Variants in WWOX observed in about 807,000 individuals in gnomAD.
WWOX encodes WW domain-containing oxidoreductase.
In WWOX, 69 loss-of-function variants were observed where a neutral mutation model predicts 46.2. That is an observed-to-expected ratio of 1.49 (90% CI 1.23 to 1.82). WWOX has a LOEUF of 1.82. Ranked by LOEUF, WWOX falls within the 40% of genes most tolerant of loss-of-function variation. The pLI, the probability that WWOX is intolerant of heterozygous loss-of-function variation, is 0.00. For synonymous variants in WWOX, 359 were observed against 202.6 expected (o/e 1.77, Z -6.56); for missense variants, 919 against 542.6 (o/e 1.69, Z -6.89).
At chr16:78,691,226 T>C in intron 8 of WWOX, 1 of 702,156 alleles carries the variant, frequency 1.4e-6, no homozygotes, top group East Asian at 2.7e-5. Flanking sequence ...TATGCTTCTC[T>C]TGTTTGTGAT....
chr16:78,417,743 C>T (rs550399895), intron 6 of WWOX, among the ~76,000 whole-genome samples: 9 of 152,202 alleles, frequency 5.9e-5, no homozygotes, highest in African/African-American at 1.9e-4. Flanking sequence ...CAGGTAGGCT[C>T]GGTGCTTCAA....
intron 8 of WWOX, among the ~76,000 whole-genome samples, chr16:78,549,819 C>T (rs2044133338): frequency 6.6e-6 from 1 of 152,040 alleles, no homozygotes; most frequent in African/African-American, 2.4e-5. Context: ...CTGTAACAAA[C>T]ATTTGTATGG....
At chr16:78,358,166 A>G (rs919795406) in intron 5 of WWOX, among the ~76,000 whole-genome samples, 1 of 152,216 alleles carries the variant, frequency 6.6e-6, no homozygotes, top group Non-Finnish European at 1.5e-5. Flanking sequence ...TATCTTCTCA[A>G]CACACATTAA....
intron 8 of WWOX, among the ~76,000 whole-genome samples, chr16:78,885,636 T>G (rs973758348): frequency 6.6e-6 from 1 of 152,204 alleles, no homozygotes; most frequent in African/African-American, 2.4e-5. Context: ...TTTGAGCAAG[T>G]TGCAATTTGG....
chr16:78,405,109 A>G (rs2082496321), intron 6 of WWOX, among the ~76,000 whole-genome samples: 1 of 152,190 alleles, frequency 6.6e-6, no homozygotes, highest in African/African-American at 2.4e-5. Flanking sequence ...AATCAAGGTA[A>G]TGGACATGAG....
At position 78,386,959 on chromosome 16, in the gene WWOX, C is replaced by T. The variant is rs1271857180; in HGVS notation, c.605+11C>T. 9 of 1,611,294 alleles carry T rather than the reference C, an allele frequency of 5.6e-6. No individual in the cohort carries two copies. The Admixed American group carries it at 8.3e-5, about 15-fold the overall frequency. On this transcript the variant is annotated intron_variant, in intron 6 of 8. Coordinates refer to ENST00000566780, the MANE Select transcript of WWOX (RefSeq NM_016373.4). ...CAAGGCCAAGAATGTGTGAGTGTTC[C>T]AGTGGAGGGTTATAGATCATAATTT...
chr16:78,134,697 A>G (rs948220961), intron 4 of WWOX, among the ~76,000 whole-genome samples: 28 of 152,298 alleles, frequency 1.8e-4, no homozygotes, highest in African/African-American at 6.7e-4. Context: ...AAAACTCACA[A>G]TATTTGGCCA....
At chr16:78,463,277 A>G (rs1322189002) in intron 8 of WWOX, among the ~76,000 whole-genome samples, 2 of 152,232 alleles carry the variant, frequency 1.3e-5, no homozygotes, top group African/African-American at 4.8e-5. Context: ...TTGCAGGTAT[A>G]GGTAGGCATT....
chr16:78,674,077 C>T (rs2047530357), intron 8 of WWOX, among the ~76,000 whole-genome samples: 2 of 152,044 alleles, frequency 1.3e-5, no homozygotes, highest in South Asian at 4.2e-4. Context: ...AGAAATTTCG[C>T]AAACTTCATG....
chr16:78,610,652 C>T (rs1225411730), intron 8 of WWOX, among the ~76,000 whole-genome samples: 1 of 152,046 alleles, frequency 6.6e-6, no homozygotes, highest in Non-Finnish European at 1.5e-5. Flanking sequence ...CTAAAGTGAA[C>T]CCAGATATGT....
chr16:78,656,082 C>T (rs974900783), intron 8 of WWOX, among the ~76,000 whole-genome samples: 5 of 152,176 alleles, frequency 3.3e-5, no homozygotes, highest in Admixed American at 3.3e-4. Context: ...TTCTGATTTG[C>T]TTCAGTACAG....
chr16:78,688,854 C>G (rs1474824104), intron 8 of WWOX, among the ~76,000 whole-genome samples: 1 of 152,106 alleles, frequency 6.6e-6, no homozygotes, highest in Non-Finnish European at 1.5e-5. Flanking sequence ...TGCAGTTACC[C>G]CCATGATGTT....
At chr16:78,960,073 C>A (rs957770839) in intron 8 of WWOX, among the ~76,000 whole-genome samples, 2 of 152,168 alleles carry the variant, frequency 1.3e-5, no homozygotes, top group Non-Finnish European at 2.9e-5. Context: ...GACTAAATGG[C>A]TACAGGTCAG....
intron 8 of WWOX, among the ~76,000 whole-genome samples, chr16:78,545,565 A>G (rs16948054): frequency 0.012 from 1,833 of 152,238 alleles, 49 homozygotes; most frequent in African/African-American, 0.042. Context: ...TTCAGATAAA[A>G]TGAGAGTGGA....
intron 8 of WWOX, among the ~76,000 whole-genome samples, chr16:79,072,467 G>T (rs1421882575): frequency 6.6e-6 from 1 of 152,222 alleles, no homozygotes; most frequent in South Asian, 2.1e-4. Flanking sequence ...TGAAGATTCA[G>T]AGAGGAGATG....
intron 8 of WWOX, among the ~76,000 whole-genome samples, chr16:78,889,595 A>G (rs1033320564): frequency 6.6e-6 from 1 of 152,162 alleles, no homozygotes. Flanking sequence ...CAAGCTTGAA[A>G]GTACTAAGCG....
chr16:78,645,905 C>G (rs1019262710), intron 8 of WWOX, among the ~76,000 whole-genome samples: 3 of 152,154 alleles, frequency 2.0e-5, no homozygotes, highest in Admixed American at 1.3e-4. Context: ...CACCTGTGTT[C>G]CTTGGCTGGT....
intron 8 of WWOX, among the ~76,000 whole-genome samples, chr16:79,140,052 T>G (rs918065786): frequency 3.9e-5 from 6 of 152,176 alleles, no homozygotes; most frequent in Non-Finnish European, 8.8e-5. Context: ...ATAAAGCATT[T>G]TTGGATTTTT....
In WWOX at chr16:78,471,903, C is replaced by A. The variant is rs1470407191; in HGVS notation, c.1056+39151C>A. On this transcript the variant is annotated intron_variant, in intron 8 of 8. Coordinates refer to ENST00000566780, the MANE Select transcript of WWOX (RefSeq NM_016373.4). ...TTTTTTTTCTATTCACCAAAATATT[C>A]CAGATAACGGTTATCAGTTTTTGAT... Among the ~76,000 whole-genome samples the A allele has an allele frequency of 3.3e-5, 5 of 151,900 alleles. No individual in the cohort carries two copies. In the East Asian group the frequency reaches 9.7e-4, roughly 29 times the overall value.
Sources: gnomAD v4.1 joint callset for allele counts (sites outside exome capture counted in the v4.1 genomes callset) on GRCh38, gnomAD v4.1.1 for gene constraint, MANE v1.5 for transcripts, NCBI Gene and HGNC (gene_info 2026-07-23, HGNC 2026-07-21) for gene names.